SLC10A7: variants seen among roughly 807,000 people sequenced by gnomAD.
The protein encoded by SLC10A7 is solute carrier family 10 member 7, also known as sodium/bile acid cotransporter 7.
Under a neutral mutation model 43.2 loss-of-function variants are expected in SLC10A7, and 29 were observed. The ratio of observed to expected loss-of-function variants is 0.67; its 90% confidence interval spans 0.50 to 0.92. SLC10A7 has a LOEUF of 0.92. Ranked by LOEUF, SLC10A7 falls within the 40% of genes least tolerant of loss-of-function variation. The pLI, the probability that SLC10A7 is intolerant of heterozygous loss-of-function variation, is 0.00. For missense variants in SLC10A7, 295 were observed against 403.2 expected (o/e 0.73, Z 2.30); for synonymous variants, 152 against 144.8 (o/e 1.05, Z -0.35).
rs987654460 is a variant in SLC10A7, at chr4:146,358,638, C to G, written c.436-32642G>C. On this transcript the variant is annotated intron_variant, in intron 5 of 11. Transcript: ENST00000335472. The stretch of plus-strand genomic sequence containing the variant: ...GCATAAGAACTCTCTTAATGCCTGC[C>G]TTCTTTTACTTAGTATTATTAATAT... Among the ~76,000 whole-genome samples the G allele has an allele frequency of 2.6e-5, 4 of 152,062 alleles. No individual in the cohort carries two copies. The South Asian group carries it at 8.3e-4, about 32-fold the overall frequency.
Position 146,418,106 on chromosome 4 carries a change from A to C in SLC10A7, c.435+24677T>G, listed in dbSNP as rs534210033. Among the ~76,000 whole-genome samples, 6 of 152,276 alleles carry C rather than the reference A, an allele frequency of 3.9e-5. No homozygotes were observed. The South Asian group carries it at 1.2e-3, about 32-fold the overall frequency. ...AGACCCCACATAACTCAGAGCCTCA[A>C]ACTGAAATGATGCTCCAGGGACTGT... is the stretch of plus-strand genomic sequence containing the variant. On this transcript the variant is annotated intron_variant, in intron 5 of 11. Transcript: ENST00000335472.
chr4:146,489,121 C>T (rs762137283), intron 4 of SLC10A7, among the ~76,000 whole-genome samples: 9 of 152,160 alleles, frequency 5.9e-5, no homozygotes, highest in East Asian at 1.9e-4. Context: ...ACAGAAATGG[C>T]GAAAGCTTCC....
In SLC10A7 at chr4:146,517,017, G is replaced by C. The variant is rs747540753; in HGVS notation, c.183+21C>G. 8.5e-6 allele frequency: 13 copies of C among 1,529,824 alleles called. No individual in the cohort carries two copies. The Middle Eastern group carries it at 8.7e-4, about 102-fold the overall frequency. 94.8% of individuals were successfully genotyped at this position (1,529,824 alleles called of 1,614,324 possible). Reference sequence around the variant, plus strand: ...TTAAATTTTTCTCCCTGCTTTTCATGTGTCCCATAGATGACAGTACCTCTG... The same window carrying C: ...TTAAATTTTTCTCCCTGCTTTTCATCTGTCCCATAGATGACAGTACCTCTG... On this transcript the variant is annotated intron_variant, in intron 2 of 11. Transcript: ENST00000335472.
intron 4 of SLC10A7, among the ~76,000 whole-genome samples, chr4:146,443,605 G>C (rs931618288): frequency 6.6e-6 from 1 of 152,086 alleles, no homozygotes; most frequent in African/African-American, 2.4e-5. Flanking sequence ...ATAATAAAAG[G>C]GGTAGAGAGA....
intron 4 of SLC10A7, among the ~76,000 whole-genome samples, chr4:146,493,962 T>A (rs979224057): frequency 6.6e-6 from 1 of 152,204 alleles, no homozygotes; most frequent in Non-Finnish European, 1.5e-5. Flanking sequence ...CATACGTTTT[T>A]GAATAAATGA....
In SLC10A7 at chr4:146,334,777, A is replaced by T. The variant is rs76340678; in HGVS notation, c.436-8781T>A. 5.9e-5 allele frequency among the ~76,000 whole-genome samples: 9 copies of T among 152,210 alleles called. No individual in the cohort carries two copies. The East Asian group carries it at 1.7e-3, about 29-fold the overall frequency. On this transcript the variant is annotated intron_variant, in intron 5 of 11. Coordinates refer to ENST00000335472, the MANE Select transcript of SLC10A7 (RefSeq NM_001029998.6). ...AAGAAGAGCAGAGGTTATAGTAGGT[A>T]CAGATGAACATAGGCTTGAATGCTT... is the stretch of plus-strand genomic sequence containing the variant.
intron 10 of SLC10A7, among the ~76,000 whole-genome samples, chr4:146,261,854 C>T (rs1481430429): frequency 2.0e-5 from 3 of 152,210 alleles, no homozygotes; most frequent in African/African-American, 4.8e-5. Context: ...GCCACTCTCA[C>T]ATGGTGGATT....
chr4:146,456,083 G>A (rs1190423074), intron 4 of SLC10A7, among the ~76,000 whole-genome samples: 1 of 151,438 alleles, frequency 6.6e-6, no homozygotes, highest in South Asian at 2.1e-4. Flanking sequence ...CACCAAGAAG[G>A]GAAAGATGGC....
intron 5 of SLC10A7, among the ~76,000 whole-genome samples, chr4:146,369,222 C>G (rs1736601813): frequency 6.6e-6 from 1 of 152,106 alleles, no homozygotes; most frequent in Non-Finnish European, 1.5e-5. Flanking sequence ...TCTGTGTGAC[C>G]CTAAACATGT....
chr4:146,445,361 C>T (rs1215394893), intron 4 of SLC10A7, among the ~76,000 whole-genome samples: 1 of 152,112 alleles, frequency 6.6e-6, no homozygotes, highest in Non-Finnish European at 1.5e-5. Context: ...CACAAGCAAA[C>T]GGGTGTGGGA....
At chr4:146,404,958 C>T (rs370162915) in intron 5 of SLC10A7, among the ~76,000 whole-genome samples, 2 of 152,134 alleles carry the variant, frequency 1.3e-5, no homozygotes, top group African/African-American at 4.8e-5. Flanking sequence ...GGTCCCATCT[C>T]GCCTAACCAG....
chr4:146,288,450 CAACTCCCCTAAAGTCACA>C, intron 9 of SLC10A7, among the ~76,000 whole-genome samples: 1 of 152,336 alleles, frequency 6.6e-6, no homozygotes, highest in African/African-American at 2.4e-5. Context: ...GTAGGTTAAG[CAACTCCCCTAAAGTCACA>C]CAACTAGTAA....
At chr4:146,447,346 C>A (rs186809309) in intron 4 of SLC10A7, among the ~76,000 whole-genome samples, 1 of 151,970 alleles carries the variant, frequency 6.6e-6, no homozygotes, top group African/African-American at 2.4e-5. Flanking sequence ...TGGACTCAAG[C>A]GATCCTCCCA....
At chr4:146,505,136 A>G (rs533934484) in intron 3 of SLC10A7, among the ~76,000 whole-genome samples, 6 of 152,306 alleles carry the variant, frequency 3.9e-5, no homozygotes, top group African/African-American at 9.6e-5. Context: ...CCATTTAACA[A>G]CATGGATTTG....
intron 6 of SLC10A7, among the ~76,000 whole-genome samples, chr4:146,309,326 C>A (rs1243869855): frequency 6.6e-6 from 1 of 152,126 alleles, no homozygotes; most frequent in East Asian, 1.9e-4. Context: ...TTTACAGTCC[C>A]ATTGCCCAGC....
chr4:146,495,194 G>A (rs1214157784), intron 4 of SLC10A7, among the ~76,000 whole-genome samples: 2 of 152,172 alleles, frequency 1.3e-5, no homozygotes, highest in Non-Finnish European at 2.9e-5. Context: ...TGCTGACAAT[G>A]TTTTTCAGAC....
intron 4 of SLC10A7, among the ~76,000 whole-genome samples, chr4:146,450,806 G>A (rs1417036591): frequency 1.3e-5 from 2 of 152,090 alleles, no homozygotes; most frequent in African/African-American, 4.8e-5. Context: ...AAGGGGCAGT[G>A]GAACTTCTAA....
At chr4:146,470,188 G>C (rs1409435779) in intron 4 of SLC10A7, among the ~76,000 whole-genome samples, 1 of 152,034 alleles carries the variant, frequency 6.6e-6, no homozygotes, top group Non-Finnish European at 1.5e-5. Context: ...CCTATCTCAT[G>C]GGCTTATTGC....
At chr4:146,302,933 C>T (rs1444007225) in intron 7 of SLC10A7, among the ~76,000 whole-genome samples, 2 of 152,120 alleles carry the variant, frequency 1.3e-5, no homozygotes, top group African/African-American at 4.8e-5. Flanking sequence ...CACCCAGATC[C>T]CTCTCTTCAA....
Sources: gnomAD v4.1 joint callset for allele counts (sites outside exome capture counted in the v4.1 genomes callset) on GRCh38, gnomAD v4.1.1 for gene constraint, MANE v1.5 for transcripts, NCBI Gene and HGNC (gene_info 2026-07-23, HGNC 2026-07-21) for gene names.